Variants in LHFPL3 observed in about 807,000 individuals in gnomAD.
LHFPL3 encodes the protein LHFPL tetraspan subfamily member 3 protein.
LHFPL3 carries 5 observed loss-of-function variants against 19.3 expected under a neutral mutation model. That is an observed-to-expected ratio of 0.26 (90% CI 0.14 to 0.54). The LOEUF (loss-of-function observed/expected upper bound fraction) is 0.54, where lower values mean the gene tolerates loss of function less well. LHFPL3 is among the 20% of genes least tolerant of loss of function. The pLI, the probability that LHFPL3 is intolerant of heterozygous loss-of-function variation, is 0.94. For synonymous variants in LHFPL3, 133 were observed against 126.2 expected, an observed-to-expected ratio of 1.05 and a Z score of -0.36; for missense variants, 249 against 307.4, an observed-to-expected ratio of 0.81 and a Z score of 1.42.
At chr7:104,668,007 C>A (rs533809505) in intron 1 of LHFPL3, 14 of 1,613,650 alleles carry the variant, frequency 8.7e-6, no homozygotes, top group Admixed American at 5.0e-5. Flanking sequence ...CAATATCGAC[C>A]GGAGCCGTCT....
chr7:104,849,027 A>G (rs966118643), intron 2 of LHFPL3, among the ~76,000 whole-genome samples: 8 of 152,022 alleles, frequency 5.3e-5, no homozygotes, highest in Admixed American at 5.2e-4. Context: ...TCTGGAGTCA[A>G]GCAATCCTCC....
chr7:104,524,950 G>T (rs1174731140), intron 1 of LHFPL3, among the ~76,000 whole-genome samples: 2 of 152,238 alleles, frequency 1.3e-5, no homozygotes, highest in Non-Finnish European at 1.5e-5. Context: ...TATACACCTA[G>T]TATTTCTGTT....
chr7:104,881,531 T>C (rs1381763183), intron 2 of LHFPL3, among the ~76,000 whole-genome samples: 1 of 152,312 alleles, frequency 6.6e-6, no homozygotes, highest in South Asian at 2.1e-4. Context: ...TGCTGCCATC[T>C]CATGATAAAA....
At chr7:104,846,009 G>A (rs368002788) in intron 2 of LHFPL3, among the ~76,000 whole-genome samples, 2 of 152,176 alleles carry the variant, frequency 1.3e-5, no homozygotes, top group African/African-American at 2.4e-5. Context: ...ATATGTATGC[G>A]ATGGAAACAC....
intron 1 of LHFPL3, among the ~76,000 whole-genome samples, chr7:104,443,639 C>T (rs1473370677): frequency 6.6e-6 from 1 of 152,184 alleles, no homozygotes; most frequent in Non-Finnish European, 1.5e-5. Context: ...TTCCATAATC[C>T]CAGAGCAGCT....
At chr7:104,555,847 C>A (rs149412299) in intron 1 of LHFPL3, among the ~76,000 whole-genome samples, 7,410 of 152,286 alleles carry the variant, frequency 0.049, 239 homozygotes, top group African/African-American at 0.088. Flanking sequence ...AAGTTAGTTA[C>A]TTCCTAGATA....
chr7:104,753,640 A>G lies in LHFPL3; in HGVS notation c.682+16729A>G, dbSNP rs552468048. Among the ~76,000 whole-genome samples, 195 of 152,302 alleles carry G rather than the reference A, an allele frequency of 1.3e-3. 1 individual carries two copies. The highest frequency in any genetic ancestry group is 2.4e-3 in the Non-Finnish European group (163 of 68,028). ...AAAGACCAGATGATAGATTGGGAGA[A>G]GCTATTTGGAATGTTTCTAGCCAAT... On this transcript the variant is annotated intron_variant, in intron 2 of 2. Transcript: ENST00000424859.
chr7:104,365,090 G>A (rs1303592743), intron 1 of LHFPL3, among the ~76,000 whole-genome samples: 1 of 151,962 alleles, frequency 6.6e-6, no homozygotes, highest in African/African-American at 2.4e-5. Flanking sequence ...ACCTGAGGTC[G>A]AGATTTCGAG....
At position 104,424,278 on chromosome 7, in the gene LHFPL3, A is replaced by G. The variant is rs867380814; in HGVS notation, c.445+95054A>G. Among the ~76,000 whole-genome samples the G allele has an allele frequency of 1.3e-4, 20 of 152,334 alleles. No individual in the cohort carries two copies. In the Middle Eastern group the frequency reaches 0.01, roughly 78 times the overall value. On this transcript the variant is annotated intron_variant, in intron 1 of 2. Transcript: ENST00000424859. ...GCTGTGCAAGAAGCATCAGAGCCCC[A>G]CTTGGCTCAAGGTACTTTTGTTGGG... is the stretch of plus-strand genomic sequence containing the variant.
chr7:104,459,048 G>A (rs1358376829), intron 1 of LHFPL3, among the ~76,000 whole-genome samples: 1 of 152,216 alleles, frequency 6.6e-6, no homozygotes, highest in African/African-American at 2.4e-5. Flanking sequence ...CTGGAAGCTT[G>A]CAGCATAGCA....
At chr7:104,667,687 T>G in intron 1 of LHFPL3, 4 of 1,211,840 alleles carry the variant, frequency 3.3e-6, no homozygotes, top group Non-Finnish European at 4.7e-6. Context: ...CCATTATACA[T>G]GCAATTTACA....
intron 2 of LHFPL3, among the ~76,000 whole-genome samples, chr7:104,819,055 T>C (rs1184300095): frequency 6.6e-6 from 1 of 152,170 alleles, no homozygotes; most frequent in Non-Finnish European, 1.5e-5. Context: ...AATGTTTATT[T>C]TGCATGCCTT....
intron 1 of LHFPL3, among the ~76,000 whole-genome samples, chr7:104,680,571 A>T (rs1158750917): frequency 6.6e-6 from 1 of 152,206 alleles, no homozygotes; most frequent in African/African-American, 2.4e-5. Flanking sequence ...CTCAAGGGCC[A>T]TAGAAACACC....
intron 2 of LHFPL3, among the ~76,000 whole-genome samples, chr7:104,877,779 AC>A (rs1791977081): frequency 2.0e-5 from 3 of 152,156 alleles, no homozygotes; most frequent in Non-Finnish European, 4.4e-5. Context: ...GTATGTATAT[AC>A]CCAAGAGAAG....
chr7:104,614,608 C>CTTCTA (rs1393220078), intron 1 of LHFPL3, among the ~76,000 whole-genome samples: 1 of 128,798 alleles, frequency 7.8e-6, no homozygotes, highest in South Asian at 3.0e-4. Context: ...CTTCTCTTCT[C>CTTCTA]TTCTCTTCTC....
chr7:104,619,793 C>G (rs1037806121), intron 1 of LHFPL3, among the ~76,000 whole-genome samples: 2 of 152,030 alleles, frequency 1.3e-5, no homozygotes, highest in Non-Finnish European at 2.9e-5. Context: ...AGTCCCCAAT[C>G]TTTTTGGCAC....
intron 1 of LHFPL3, among the ~76,000 whole-genome samples, chr7:104,430,528 G>C (rs570998219): frequency 6.5e-4 from 84 of 129,554 alleles, no homozygotes; most frequent in African/African-American, 2.3e-3. Flanking sequence ...GAGTGCAGTG[G>C]TGCAATCTCA....
At chr7:104,793,175 C>T (rs536161898) in intron 2 of LHFPL3, among the ~76,000 whole-genome samples, 9 of 152,122 alleles carry the variant, frequency 5.9e-5, no homozygotes, top group Non-Finnish European at 7.4e-5. Context: ...GGATTACAGG[C>T]GTGAGCCACC....
chr7:104,506,088 C>G (rs940641993), intron 1 of LHFPL3, among the ~76,000 whole-genome samples: 5 of 151,586 alleles, frequency 3.3e-5, no homozygotes, highest in African/African-American at 1.2e-4. Flanking sequence ...ACGATTTTGG[C>G]TCACTGCAAC....
Sources: allele counts gnomAD v4.1 joint callset (sites outside exome capture counted in the v4.1 genomes callset), GRCh38; gene constraint gnomAD v4.1.1; transcripts MANE v1.5; gene names NCBI Gene and HGNC (gene_info 2026-07-23, HGNC 2026-07-21).